FSTL5: variants seen among roughly 807,000 people sequenced by gnomAD.
FSTL5 encodes follistatin like 5, also known as follistatin-related protein 5.
FSTL5 carries 62 observed loss-of-function variants against 89.1 expected under a neutral mutation model. The observed-to-expected ratio is 0.70, with a 90% CI of 0.57 to 0.86. The LOEUF is 0.86. Among genes scored for constraint, FSTL5 ranks in the 40% least tolerant of loss-of-function variants. The pLI is 0.00. For missense variants in FSTL5, 1,057 were observed against 1,001.6 expected (o/e 1.06, Z -0.75); for synonymous variants, 383 against 346.2 (o/e 1.11, Z -1.18).
At chr4:161,915,928 T>C (rs1733825715) in intron 4 of FSTL5, among the ~76,000 whole-genome samples, 1 of 152,124 alleles carries the variant, frequency 6.6e-6, no homozygotes, top group South Asian at 2.1e-4. Context: ...ACATGTGGAT[T>C]AGCACATGAC....
chr4:161,975,912 G>C (rs1431882632), intron 3 of FSTL5, among the ~76,000 whole-genome samples: 1 of 150,650 alleles, frequency 6.6e-6, no homozygotes, highest in Non-Finnish European at 1.5e-5. Context: ...CCAGGAGACC[G>C]AGACCATCCT....
chr4:161,651,266 A>G (rs1437516125), intron 7 of FSTL5, among the ~76,000 whole-genome samples: 1 of 151,946 alleles, frequency 6.6e-6, no homozygotes, highest in Non-Finnish European at 1.5e-5. Context: ...TTTTTAGAAC[A>G]GGGATTAATA....
intron 4 of FSTL5, among the ~76,000 whole-genome samples, chr4:161,919,275 G>A (rs1220233320): frequency 6.6e-6 from 1 of 152,100 alleles, no homozygotes; most frequent in East Asian, 1.9e-4. Flanking sequence ...GTATGTAAGA[G>A]GCACACAGTA....
chr4:162,036,203 C>T (rs879592558), intron 2 of FSTL5, among the ~76,000 whole-genome samples: 1 of 152,088 alleles, frequency 6.6e-6, no homozygotes, highest in Non-Finnish European at 1.5e-5. Context: ...CTCACTTATT[C>T]AACTGTCTTT....
rs1481749774 is a variant in FSTL5 at position 162,151,672 on chromosome 4, C to T, written c.-17+11943G>A. 3.3e-5 allele frequency among the ~76,000 whole-genome samples: 5 copies of T among 152,152 alleles called. No homozygotes were observed. In the East Asian group the frequency reaches 9.6e-4, roughly 29 times the overall value. The stretch of plus-strand genomic sequence containing the variant: ...GGGCAGTAAAAGCCTGAGTATCACA[C>T]AGCAGGGTTTCCATAGTGTCCTAAC... On this transcript the variant is annotated intron_variant, in intron 1 of 15. Coordinates refer to ENST00000306100, the MANE Select transcript of FSTL5 (RefSeq NM_020116.5).
chr4:161,990,395 T>C (rs971572933), intron 3 of FSTL5, among the ~76,000 whole-genome samples: 1 of 152,154 alleles, frequency 6.6e-6, no homozygotes, highest in Non-Finnish European at 1.5e-5. Context: ...TGACAAATTT[T>C]ATAATCTTAT....
chr4:161,675,286 T>C (rs922533651), intron 6 of FSTL5, among the ~76,000 whole-genome samples: 2 of 150,050 alleles, frequency 1.3e-5, no homozygotes, highest in East Asian at 3.9e-4. Context: ...ATTTTATCTT[T>C]GAATTTGGGC....
intron 10 of FSTL5, among the ~76,000 whole-genome samples, chr4:161,537,539 C>A (rs1731666642): frequency 6.6e-6 from 1 of 152,168 alleles, no homozygotes; most frequent in Non-Finnish European, 1.5e-5. Flanking sequence ...ATCTCTACCC[C>A]TTTTGCCAAG....
chr4:161,769,991 G>A (rs895767348), intron 5 of FSTL5, among the ~76,000 whole-genome samples: 1 of 151,842 alleles, frequency 6.6e-6, no homozygotes, highest in Non-Finnish European at 1.5e-5. Flanking sequence ...AATGGATAAA[G>A]AAAATGTGGC....
chr4:161,842,013 C>T lies in FSTL5; in HGVS notation c.410-65939G>A, dbSNP rs565110526. On this transcript the variant is annotated intron_variant, in intron 4 of 15. Transcript: ENST00000306100. The stretch of plus-strand genomic sequence containing the variant: ...CTGCAGGGTGTTGGCTGAAGGACTC[C>T]AACAGAGCGAGGACACCTTGTGACA... Among the ~76,000 whole-genome samples, 4 of 152,160 alleles carry T rather than the reference C, an allele frequency of 2.6e-5. No homozygotes were observed. In the South Asian group the frequency reaches 8.3e-4, roughly 31 times the overall value.
chr4:161,454,970 C>G (rs1345955163), intron 15 of FSTL5, 34 bp downstream of exon 15: 1 of 1,597,992 alleles, frequency 6.3e-7, no homozygotes, highest in Non-Finnish European at 8.6e-7. Flanking sequence ...AGAGACAAAT[C>G]TTTAAAAAGT....
At chr4:161,502,354 C>T (rs1730321636) in intron 11 of FSTL5, among the ~76,000 whole-genome samples, 1 of 151,888 alleles carries the variant, frequency 6.6e-6, no homozygotes, top group African/African-American at 2.4e-5. Flanking sequence ...ATTTTCTTGT[C>T]TTTTAAAATA....
chr4:161,583,133 G>T (rs764312455), intron 8 of FSTL5, among the ~76,000 whole-genome samples: 1 of 152,118 alleles, frequency 6.6e-6, no homozygotes, highest in African/African-American at 2.4e-5. Flanking sequence ...CCCAGGGGGC[G>T]GAGGTTGCAG....
chr4:161,593,329 A>T (rs1168035096), intron 7 of FSTL5, among the ~76,000 whole-genome samples: 3 of 152,118 alleles, frequency 2.0e-5, no homozygotes, highest in Non-Finnish European at 2.9e-5. Flanking sequence ...AGCATATCTT[A>T]TATATTTCTG....
chr4:161,467,056 G>C (rs1261328211), intron 13 of FSTL5, among the ~76,000 whole-genome samples: 2 of 151,996 alleles, frequency 1.3e-5, no homozygotes, highest in Non-Finnish European at 2.9e-5. Context: ...TGAAATACTA[G>C]GGGATCAGTT....
chr4:161,934,182 A>G (rs1474962255), intron 3 of FSTL5, among the ~76,000 whole-genome samples: 1 of 152,106 alleles, frequency 6.6e-6, no homozygotes, highest in Admixed American at 6.6e-5. Context: ...CTTCAAACTT[A>G]TGCTTTCTTG....
chr4:161,807,268 G>C (rs1225802259), intron 4 of FSTL5, among the ~76,000 whole-genome samples: 1 of 151,714 alleles, frequency 6.6e-6, no homozygotes, highest in Non-Finnish European at 1.5e-5. Flanking sequence ...GTCTCATTGT[G>C]TTGCCCAGCC....
intron 13 of FSTL5, among the ~76,000 whole-genome samples, chr4:161,473,213 T>C (rs542429334): frequency 1.3e-5 from 2 of 152,288 alleles, no homozygotes; most frequent in South Asian, 4.1e-4. Context: ...TTATCTTCTG[T>C]CTGGTATTTC....
chr4:161,421,190 CAT>C (rs1731978949), intron 15 of FSTL5, among the ~76,000 whole-genome samples: 1 of 151,706 alleles, frequency 6.6e-6, no homozygotes, highest in African/African-American at 2.4e-5. Context: ...AATACAAAAA[CAT>C]TAGCCGGGCG....
Sources: allele counts gnomAD v4.1 joint callset (sites outside exome capture counted in the v4.1 genomes callset), GRCh38; gene constraint gnomAD v4.1.1; transcripts MANE v1.5; gene names NCBI Gene and HGNC (gene_info 2026-07-23, HGNC 2026-07-21).